The following HMG20A variants were observed in gnomAD, a reference collection of about 807,000 sequenced individuals.
HMG20A encodes high mobility group 20A.
HMG20A carries 17 observed loss-of-function variants against 43.9 expected under a neutral mutation model. The observed-to-expected ratio is 0.39, with a 90% confidence interval of 0.27 to 0.58. HMG20A has a LOEUF of 0.58. Among genes scored for constraint, HMG20A ranks in the 20% least tolerant of loss-of-function variants. The pLI is 0.59. For missense variants in HMG20A, 341 were observed against 438.2 expected, an observed-to-expected ratio of 0.78 and a Z score of 1.98; for synonymous variants, 132 against 147.5, an observed-to-expected ratio of 0.89 and a Z score of 0.76.
chr15:77,471,401 A>G (rs1189947103), intron 5 of HMG20A, among the ~76,000 whole-genome samples: 2 of 152,142 alleles, frequency 1.3e-5, no homozygotes, highest in Non-Finnish European at 2.9e-5. Context: ...TTCATGTGTC[A>G]TTTTTGAAGC....
intron 1 of HMG20A, among the ~76,000 whole-genome samples, chr15:77,428,719 C>G (rs1481315301): frequency 6.6e-6 from 1 of 152,142 alleles, no homozygotes; most frequent in African/African-American, 2.4e-5. Context: ...AATCCCAACA[C>G]TTTGGGAAGC....
chr15:77,427,933 A>G (rs1455145622), intron 1 of HMG20A, among the ~76,000 whole-genome samples: 1 of 152,214 alleles, frequency 6.6e-6, no homozygotes, highest in Non-Finnish European at 1.5e-5. Flanking sequence ...TTAACCAGTA[A>G]GTGGTAGAGA....
chr15:77,426,927 G>T (rs1189059867), intron 1 of HMG20A, among the ~76,000 whole-genome samples: 1 of 152,120 alleles, frequency 6.6e-6, no homozygotes, highest in Admixed American at 6.6e-5. Context: ...TCTTAATGTA[G>T]CAGGGATTTT....
At chr15:77,434,365 T>C (rs1054874637) in intron 1 of HMG20A, among the ~76,000 whole-genome samples, 5 of 152,022 alleles carry the variant, frequency 3.3e-5, no homozygotes, top group African/African-American at 1.2e-4. Flanking sequence ...AATTGGAGTT[T>C]ATGAAATTAA....
chr15:77,507,949 G>A, the HMG20A span, among the ~76,000 whole-genome samples: 1 of 151,424 alleles, frequency 6.6e-6, no homozygotes, highest in African/African-American at 2.4e-5. Context: ...TCTTTGGGGG[G>A]GCCCACCCCA....
chr15:77,458,345 G>A (rs1825740117), intron 1 of HMG20A, 59 bp from the exon 2 acceptor site: 1 of 1,101,568 alleles, frequency 9.1e-7, no homozygotes, highest in Admixed American at 1.8e-5. Context: ...TTAAATTAGT[G>A]GAACTTGAAA....
intron 6 of HMG20A, among the ~76,000 whole-genome samples, chr15:77,473,552 A>G (rs2072829388): frequency 2.0e-5 from 3 of 152,250 alleles, no homozygotes; most frequent in Admixed American, 6.5e-5. Flanking sequence ...TTTCATCACT[A>G]TGAATTTTGC....
At chr15:77,431,388 T>C (rs915477389) in intron 1 of HMG20A, among the ~76,000 whole-genome samples, 2 of 152,094 alleles carry the variant, frequency 1.3e-5, no homozygotes, top group African/African-American at 4.8e-5. Flanking sequence ...ATTTTTGTAT[T>C]TTTAGTAGAG....
rs1482631193 is a variant in HMG20A at position 77,483,174 on chromosome 15, T to G, written c.*211T>G. On this transcript the variant is annotated 3_prime_UTR_variant, in exon 10 of 10. Transcript: ENST00000336216. ...ATATGAGCTTCCTATGGAATTGTCC[T>G]TATGTGAAGCTTTGAAGGTGTACAG... 1 of 152,222 alleles carries G rather than the reference T, an allele frequency of 6.6e-6. No homozygotes were observed. Among genetic ancestry groups the G allele is most frequent in the Non-Finnish European group, 1.5e-5 (1 of 68,048 alleles). The allele number at this position is 152,222 out of a possible 1,614,324, so 9.4% of individuals were successfully genotyped here. A position where few individuals can be genotyped will look rare whatever the true frequency, so the allele number is the denominator to read the frequency against.
At chr15:77,465,684 C>T (rs1017558550) in intron 3 of HMG20A, among the ~76,000 whole-genome samples, 9 of 151,952 alleles carry the variant, frequency 5.9e-5, no homozygotes, top group Admixed American at 3.9e-4. Context: ...TGTGAACCAC[C>T]GTGCCAGCCC....
At chr15:77,452,940 A>G (rs1197063036) in intron 1 of HMG20A, among the ~76,000 whole-genome samples, 1 of 152,182 alleles carries the variant, frequency 6.6e-6, no homozygotes, top group Non-Finnish European at 1.5e-5. Context: ...AAAATGAGCA[A>G]AGGAGGCTGA....
chr15:77,490,551 A>G (rs919997233), downstream of HMG20A, among the ~76,000 whole-genome samples: 1 of 152,326 alleles, frequency 6.6e-6, no homozygotes, highest in Admixed American at 6.5e-5. Flanking sequence ...TCCTGGGCAC[A>G]GTGGCTTACG....
At chr15:77,480,553 A>T (rs548452678) in intron 9 of HMG20A, among the ~76,000 whole-genome samples, 1 of 151,500 alleles carries the variant, frequency 6.6e-6, no homozygotes, top group African/African-American at 2.4e-5. Context: ...TTCAGGTTTC[A>T]GTAAGCTAGG....
chr15:77,454,375 T>C (rs1272648502), intron 1 of HMG20A, among the ~76,000 whole-genome samples: 1 of 152,154 alleles, frequency 6.6e-6, no homozygotes, highest in South Asian at 2.1e-4. Flanking sequence ...AACTTTATGG[T>C]ATATCAATTA....
chr15:77,471,524 G>C (rs952292827), intron 5 of HMG20A, among the ~76,000 whole-genome samples: 2 of 152,152 alleles, frequency 1.3e-5, no homozygotes, highest in African/African-American at 2.4e-5. Flanking sequence ...TGTGTCTTCT[G>C]TCCACTCTTC....
the HMG20A span, among the ~76,000 whole-genome samples, chr15:77,497,672 AGAGAGAGAGAGTGT>A: frequency 7.9e-6 from 1 of 126,804 alleles, no homozygotes; most frequent in Non-Finnish European, 1.8e-5. Flanking sequence ...AGAGAGAGAG[AGAGAGAGAGAGTGT>A]GTGTGTGTGT....
At chr15:77,509,881 T>C in the HMG20A span, among the ~76,000 whole-genome samples, 7 of 149,070 alleles carry the variant, frequency 4.7e-5, no homozygotes, top group Admixed American at 1.3e-4. Flanking sequence ...CGCTCCAGCC[T>C]GGCGACAGAG....
the HMG20A span, among the ~76,000 whole-genome samples, chr15:77,515,448 C>A: frequency 7.8e-4 from 118 of 151,692 alleles, no homozygotes; most frequent in African/African-American, 2.7e-3. Flanking sequence ...GGCTGTGAGA[C>A]TGGCTAAGTT....
At chr15:77,439,101 G>A (rs902099484) in intron 1 of HMG20A, among the ~76,000 whole-genome samples, 7 of 152,158 alleles carry the variant, frequency 4.6e-5, no homozygotes, top group African/African-American at 1.7e-4. Flanking sequence ...CCGTAGGTTT[G>A]GAGTTCATTA....
Sources: gnomAD v4.1 joint callset for allele counts (sites outside exome capture counted in the v4.1 genomes callset) on GRCh38, gnomAD v4.1.1 for gene constraint, MANE v1.5 for transcripts, NCBI Gene and HGNC (gene_info 2026-07-23, HGNC 2026-07-21) for gene names.